TAFA2: variants seen among roughly 807,000 people sequenced by gnomAD.
The protein encoded by TAFA2 is chemokine-like protein TAFA-2.
In TAFA2, 7 loss-of-function variants were observed where a neutral mutation model predicts 18.8. The observed-to-expected ratio is 0.37, with a 90% CI of 0.21 to 0.70. TAFA2 has a LOEUF of 0.70. Ranked by LOEUF, TAFA2 falls within the 30% of genes least tolerant of loss-of-function variation. The probability of loss-of-function intolerance (pLI) is 0.53; values close to 1 mark genes in which losing one functional copy is unlikely to be tolerated. For missense variants in TAFA2, 122 were observed against 158.1 expected (o/e 0.77, Z 1.23); for synonymous variants, 60 against 54.2 (o/e 1.11, Z -0.47).
intron 1 of TAFA2, among the ~76,000 whole-genome samples, chr12:61,923,482 G>C (rs1018480027): frequency 1.1e-4 from 16 of 152,196 alleles, no homozygotes; most frequent in African/African-American, 3.9e-4. Flanking sequence ...AACTCCAGCA[G>C]ACCTGCAGCA....
At chr12:61,952,102 A>C (rs916163733) in intron 1 of TAFA2, among the ~76,000 whole-genome samples, 1 of 152,060 alleles carries the variant, frequency 6.6e-6, no homozygotes, top group Non-Finnish European at 1.5e-5. Context: ...TTCTTTATTT[A>C]TGTGTGTGCA....
chr12:62,230,865 G>A (rs559939311), intron 1 of TAFA2, among the ~76,000 whole-genome samples: 63 of 152,262 alleles, frequency 4.1e-4, no homozygotes, highest in African/African-American at 1.5e-3. Flanking sequence ...TCATAGAGAT[G>A]AGGTATCACT....
At chr12:61,967,380 C>T (rs1273672285) in intron 1 of TAFA2, among the ~76,000 whole-genome samples, 1 of 151,732 alleles carries the variant, frequency 6.6e-6, no homozygotes, top group Admixed American at 6.6e-5. Flanking sequence ...GGTCAAAGTC[C>T]TTACATGCAA....
intron 1 of TAFA2, among the ~76,000 whole-genome samples, chr12:62,153,323 G>T (rs1425424759): frequency 1.3e-5 from 2 of 152,134 alleles, no homozygotes; most frequent in Admixed American, 6.6e-5. Flanking sequence ...AATCTAATTA[G>T]ACAAGATTTC....
intron 1 of TAFA2, among the ~76,000 whole-genome samples, chr12:62,094,722 A>C (rs1433092411): frequency 1.3e-5 from 2 of 151,450 alleles, no homozygotes; most frequent in Non-Finnish European, 2.9e-5. Flanking sequence ...TGTAAGATAC[A>C]TTCTATTACT....
intron 1 of TAFA2, among the ~76,000 whole-genome samples, chr12:61,919,342 A>G (rs958414697): frequency 2.6e-5 from 4 of 152,090 alleles, no homozygotes; most frequent in Non-Finnish European, 5.9e-5. Context: ...TCTCACTGCC[A>G]TTTCTCTTGC....
chr12:62,207,314 G>A (rs990705313), intron 1 of TAFA2: 2 of 152,074 alleles, frequency 1.3e-5, no homozygotes, highest in African/African-American at 2.4e-5. Flanking sequence ...AAAAATATAT[G>A]GCCACATTTA....
At chr12:61,789,467 C>T (rs903953020) in intron 2 of TAFA2, among the ~76,000 whole-genome samples, 1 of 151,814 alleles carries the variant, frequency 6.6e-6, no homozygotes, top group Non-Finnish European at 1.5e-5. Context: ...TGCATGTTCT[C>T]TCTCATAAGT....
chr12:61,969,699 C>T (rs1879180718), intron 1 of TAFA2, among the ~76,000 whole-genome samples: 1 of 151,234 alleles, frequency 6.6e-6, no homozygotes. Flanking sequence ...TTTTAAAGTA[C>T]AAAAATAATG....
chr12:61,978,619 T>C (rs1178038481), intron 1 of TAFA2, among the ~76,000 whole-genome samples: 1 of 151,958 alleles, frequency 6.6e-6, no homozygotes, highest in East Asian at 1.9e-4. Context: ...GTGCTCAGCA[T>C]TGAAGATAAC....
intron 1 of TAFA2, among the ~76,000 whole-genome samples, chr12:62,164,769 C>A (rs1455254662): frequency 6.6e-6 from 1 of 151,964 alleles, no homozygotes; most frequent in African/African-American, 2.4e-5. Context: ...CCAGAATGAC[C>A]ATGAAACTTT....
chr12:61,899,767 T>C (rs1241779017), intron 1 of TAFA2, among the ~76,000 whole-genome samples: 1 of 152,230 alleles, frequency 6.6e-6, no homozygotes, highest in Non-Finnish European at 1.5e-5. Flanking sequence ...TCACCTGTAC[T>C]GAAAATGTAT....
chr12:61,826,338 C>CTGTGTGTGTGTGTG (rs57736074), intron 2 of TAFA2, among the ~76,000 whole-genome samples: 54 of 149,138 alleles, frequency 3.6e-4, no homozygotes, highest in African/African-American at 1.3e-3. Context: ...ATTAGTTCAT[C>CTGTGTGTGTGTGTG]TGTGTGTGTG....
At chr12:62,186,745 G>A (rs1382084136) in intron 1 of TAFA2, among the ~76,000 whole-genome samples, 2 of 152,162 alleles carry the variant, frequency 1.3e-5, no homozygotes, top group Admixed American at 6.5e-5. Context: ...AAACATATAA[G>A]CTCTGATTCC....
chr12:61,942,398 C>T (rs1156612531), intron 1 of TAFA2, among the ~76,000 whole-genome samples: 1 of 151,586 alleles, frequency 6.6e-6, no homozygotes, highest in Non-Finnish European at 1.5e-5. Context: ...CAGAGAGCCT[C>T]TCCTCCTCCA....
intron 2 of TAFA2, among the ~76,000 whole-genome samples, chr12:61,810,753 G>A (rs1373093872): frequency 1.3e-5 from 2 of 151,066 alleles, no homozygotes; most frequent in African/African-American, 4.9e-5. Context: ...CCAGGCTTGG[G>A]TCATAAGAAT....
At chr12:61,860,309 A>AT (rs1874075038) in intron 2 of TAFA2, among the ~76,000 whole-genome samples, 1 of 152,212 alleles carries the variant, frequency 6.6e-6, no homozygotes, top group East Asian at 1.9e-4. Context: ...AAAATGTGTC[A>AT]TTAAAAGTCC....
intron 1 of TAFA2, chr12:62,234,671 T>G: frequency 1.0e-6 from 1 of 952,886 alleles, no homozygotes; most frequent in Non-Finnish European, 1.7e-6. Flanking sequence ...TGGTATAAGC[T>G]TTTCCGCAGT....
chr12:62,016,674 C>A (rs1328049188), intron 1 of TAFA2, among the ~76,000 whole-genome samples: 1 of 152,100 alleles, frequency 6.6e-6, no homozygotes, highest in African/African-American at 2.4e-5. Context: ...TCCTCCGAGC[C>A]CTTCTCAGAA....
Sources: gnomAD v4.1 joint callset for allele counts (sites outside exome capture counted in the v4.1 genomes callset) on GRCh38, gnomAD v4.1.1 for gene constraint, MANE v1.5 for transcripts, NCBI Gene and HGNC (gene_info 2026-07-23, HGNC 2026-07-21) for gene names.